STRN3: variants seen among roughly 807,000 people sequenced by gnomAD.
The protein encoded by STRN3 is striatin 3.
STRN3 carries 29 observed loss-of-function variants against 95.6 expected under a neutral mutation model. The ratio of observed to expected loss-of-function variants is 0.30; its 90% confidence interval spans 0.23 to 0.41. STRN3 has a LOEUF of 0.41. Ranked by LOEUF, STRN3 falls within the 10% of genes least tolerant of loss-of-function variation. STRN3 has a pLI of 1.00. For missense variants in STRN3, 890 were observed against 972.1 expected (o/e 0.92, Z 1.12); for synonymous variants, 331 against 357.6 (o/e 0.93, Z 0.84).
At chr14:30,980,024 C>G (rs1181015450) in intron 1 of STRN3, among the ~76,000 whole-genome samples, 3 of 151,742 alleles carry the variant, frequency 2.0e-5, no homozygotes, top group Non-Finnish European at 2.9e-5. Flanking sequence ...CCAAGGTGGG[C>G]GGATCACGAG....
At chr14:30,952,826 A>G (rs952079790) in intron 3 of STRN3, among the ~76,000 whole-genome samples, 1 of 152,208 alleles carries the variant, frequency 6.6e-6, no homozygotes, top group Non-Finnish European at 1.5e-5. Flanking sequence ...TTAAAATTAC[A>G]TATAACACAT....
intron 1 of STRN3, among the ~76,000 whole-genome samples, chr14:31,022,280 TGAGGCAGGAGAATGCCGTGAACCTGG>T (rs1199545605): frequency 1.3e-5 from 2 of 150,996 alleles, no homozygotes; most frequent in Non-Finnish European, 2.9e-5. Flanking sequence ...CTGGGGAGGC[TGAGGCAGGAGAATGCCGTGAACCTGG>T]GAGGCAGAGC....
chr14:30,984,137 A>ACC lies in STRN3; in HGVS notation c.283-27897_283-27896dup, dbSNP rs1555324188. 6.9e-3 allele frequency among the ~76,000 whole-genome samples: 385 copies of ACC among 56,180 alleles called. 8 individuals are homozygous for ACC. The highest frequency in any genetic ancestry group is 0.066 in the East Asian group (201 of 3,060). The allele number at this position is 56,180 out of a possible 152,430, so 36.9% of individuals were successfully genotyped here. On this transcript the variant is annotated intron_variant, in intron 1 of 17. Coordinates refer to ENST00000357479, the MANE Select transcript of STRN3 (RefSeq NM_001083893.2). ...CATGGCATCTTCCCCGCCCCCCCCAACCCCCCCCCACACACAAAGGCCTAT... is the reference window on the plus strand; with the variant it reads ...CATGGCATCTTCCCCGCCCCCCCCAACCCCCCCCCCCACACACAAAGGCCTAT...
intron 6 of STRN3, among the ~76,000 whole-genome samples, chr14:30,935,515 A>G (rs1010186425): frequency 5.3e-5 from 8 of 152,336 alleles, no homozygotes; most frequent in African/African-American, 1.9e-4. Context: ...ATGTGGCACT[A>G]AAAATGGTTT....
At chr14:30,948,326 C>T (rs1302495437) in intron 4 of STRN3, among the ~76,000 whole-genome samples, 1 of 152,134 alleles carries the variant, frequency 6.6e-6, no homozygotes, top group African/African-American at 2.4e-5. Context: ...TCAGAAGAGA[C>T]TGGCCTGGGT....
At chr14:30,921,653 T>A (rs1896887867) in intron 8 of STRN3, among the ~76,000 whole-genome samples, 1 of 152,142 alleles carries the variant, frequency 6.6e-6, no homozygotes, top group African/African-American at 2.4e-5. Flanking sequence ...ATTCTAAATA[T>A]AATAAATGCA....
chr14:30,907,595 T>C (rs572487747), intron 13 of STRN3, among the ~76,000 whole-genome samples: 5 of 141,930 alleles, frequency 3.5e-5, no homozygotes, highest in African/African-American at 1.3e-4. Context: ...CTGAGTATGT[T>C]TTCTTTTTTT....
intron 1 of STRN3, among the ~76,000 whole-genome samples, chr14:30,972,526 C>A (rs1880885120): frequency 6.6e-6 from 1 of 152,070 alleles, no homozygotes; most frequent in African/African-American, 2.4e-5. Flanking sequence ...ATTTTATATT[C>A]GAGTGTTATT....
intron 14 of STRN3, among the ~76,000 whole-genome samples, chr14:30,905,958 T>C (rs1221371056): frequency 2.6e-5 from 4 of 152,208 alleles, no homozygotes; most frequent in Non-Finnish European, 4.4e-5. Context: ...CTGGTTCACC[T>C]ATCAGAGATC....
chr14:30,929,410 T>C, intron 7 of STRN3, 99 bp from the exon 8 acceptor site: 1 of 908,506 alleles, frequency 1.1e-6, no homozygotes, highest in Admixed American at 2.2e-5. Flanking sequence ...TAATAAAATG[T>C]ACTAATAGCA....
chr14:30,927,559 A>C (rs1157281821), intron 8 of STRN3, among the ~76,000 whole-genome samples: 1 of 152,014 alleles, frequency 6.6e-6, no homozygotes, highest in African/African-American at 2.4e-5. Flanking sequence ...AGATTAAGTC[A>C]GTTTATGATA....
At chr14:30,997,482 A>T (rs1314212798) in intron 1 of STRN3, among the ~76,000 whole-genome samples, 5 of 152,142 alleles carry the variant, frequency 3.3e-5, no homozygotes, top group African/African-American at 1.2e-4. Context: ...AGTTATTCAA[A>T]CTAGCCAACC....
Position 30,936,509 on chromosome 14 carries a change from T to A in STRN3, c.832A>T (p.Met278Leu). 6.2e-7 allele frequency: 1 copy of A among 1,613,254 alleles called. No homozygotes were observed. The highest frequency in any genetic ancestry group is 8.5e-7 in the Non-Finnish European group (1 of 1,179,720). ...GTAATTCCTACTTTATGTTTATTCA[T>A]CCGATGTTTGTCTTTTCCTTCTGGG... Reference protein sequence around the residue: ...GIPEGKDKHRMNKHKIGNEGL... With the variant: ...GIPEGKDKHRLNKHKIGNEGL... The change falls in exon 6 of 18, where the codon ATG (methionine) becomes TTG (leucine). Residue 278 changes from methionine (M) to leucine (L), a missense_variant. This residue lies in a region of STRN3 where 526 missense variants were observed against 526.3 expected (regional missense o/e 1.00). Coordinates refer to ENST00000357479, the MANE Select transcript of STRN3 (RefSeq NM_001083893.2).
At chr14:30,991,969 A>G (rs1881977485) in intron 1 of STRN3, among the ~76,000 whole-genome samples, 1 of 151,906 alleles carries the variant, frequency 6.6e-6, no homozygotes. Flanking sequence ...AAACATCATT[A>G]AAAAGTTTTA....
chr14:30,994,312 T>TTCC (rs1882101447), intron 1 of STRN3, among the ~76,000 whole-genome samples: 1 of 152,232 alleles, frequency 6.6e-6, no homozygotes, highest in East Asian at 1.9e-4. Context: ...ATACTTTAGA[T>TTCC]ATCTTCAGGT....
chr14:30,910,516 T>C (rs986647696), intron 13 of STRN3, among the ~76,000 whole-genome samples: 2 of 152,112 alleles, frequency 1.3e-5, no homozygotes, highest in Non-Finnish European at 2.9e-5. Context: ...TACAGGTAGG[T>C]GTTTCTGTAG....
chr14:30,948,515 T>C (rs1879477880), intron 4 of STRN3, among the ~76,000 whole-genome samples: 1 of 151,934 alleles, frequency 6.6e-6, no homozygotes. Flanking sequence ...AGGAAAAAAA[T>C]GATAGCAGAG....
At position 30,929,228 on chromosome 14, in the gene STRN3, C is replaced by T; in HGVS notation, c.1072G>A (p.Glu358Lys). Residue 358 changes from glutamate (E) to lysine (K), a missense_variant, in exon 8 of 18, where the codon GAA becomes AAA. Glu to Lys is a moderately conservative substitution (Grantham distance 56). Around this residue, in one of 3 missense-constraint regions of STRN3, gnomAD observed 526 missense variants for 526.3 expected, o/e 1.00. Transcript: ENST00000357479. The part of the protein sequence containing the change: ...ISKLKEQYKK[E>K]RKGKKGVKRA... The stretch of plus-strand genomic sequence containing the variant: ...TTCACCCCTTTCTTCCCCTTTCGTT[C>T]CTTCTTGTACTGTTCCTTCAGTTTA... The T allele has an allele frequency of 2.5e-6, 4 of 1,609,298 alleles. No homozygotes were observed. Among genetic ancestry groups the T allele is most frequent in the Non-Finnish European group, 3.4e-6 (4 of 1,178,062 alleles).
At chr14:30,968,071 C>A (rs1283386327) in intron 1 of STRN3, among the ~76,000 whole-genome samples, 13 of 152,102 alleles carry the variant, frequency 8.5e-5, no homozygotes, top group Non-Finnish European at 1.9e-4. Flanking sequence ...TAGGAAGGAA[C>A]CATCTATACC....
Sources: gnomAD v4.1 joint callset for allele counts (sites outside exome capture counted in the v4.1 genomes callset) on GRCh38, gnomAD v4.1.1 for gene constraint, gnomAD v4.1.1 regional missense constraint, MANE v1.5 for transcripts, NCBI Gene and HGNC (gene_info 2026-07-23, HGNC 2026-07-21) for gene names.